Variants in MARCHF10 observed in about 807,000 individuals in gnomAD.
MARCHF10 encodes membrane associated ring-CH-type finger 10.
MARCHF10 carries 64 observed loss-of-function variants against 76.2 expected under a neutral mutation model. The observed-to-expected ratio is 0.84, with a 90% CI of 0.69 to 1.03. The LOEUF (loss-of-function observed/expected upper bound fraction) is 1.03. Ranked by LOEUF, MARCHF10 falls within the 50% of genes least tolerant of loss-of-function variation. MARCHF10 has a pLI of 0.00. For missense variants in MARCHF10, 875 were observed against 958.0 expected, an observed-to-expected ratio of 0.91 and a Z score of 1.14; for synonymous variants, 340 against 357.5, an observed-to-expected ratio of 0.95 and a Z score of 0.55.
Position 62,701,616 on chromosome 17 carries a change from AGAG to A in MARCHF10, c.*84_*86del, listed in dbSNP as rs778141661. ...AACGCTTTGGTTTCAGTTTCAGTAA[AGAG>A]GAGGAGGGAGGGAGGCACTTGGGGA... On this transcript the variant is annotated 3_prime_UTR_variant, in exon 11 of 11. Transcript: ENST00000311269. 5.0e-6 allele frequency: 8 copies of A among 1,608,086 alleles called. No individual in the cohort carries two copies. In the South Asian group the frequency reaches 6.6e-5, roughly 13 times the overall value.
chr17:62,766,258 T>C (rs926634208), intron 3 of MARCHF10, among the ~76,000 whole-genome samples: 8 of 152,124 alleles, frequency 5.3e-5, no homozygotes, highest in African/African-American at 1.4e-4. Context: ...CCCAGCACTT[T>C]GGGAGGCCGA....
chr17:62,754,247 A>G (rs2091978310), intron 4 of MARCHF10, among the ~76,000 whole-genome samples: 1 of 151,958 alleles, frequency 6.6e-6, no homozygotes, highest in South Asian at 2.1e-4. Flanking sequence ...TAATTTTTGT[A>G]TTTTTAGTAG....
intron 4 of MARCHF10, among the ~76,000 whole-genome samples, chr17:62,752,086 G>C (rs999939750): frequency 6.6e-6 from 1 of 151,642 alleles, no homozygotes; most frequent in Non-Finnish European, 1.5e-5. Context: ...TCAGTCCTTA[G>C]TGCCATGCTA....
At chr17:62,705,712 G>GA (rs1404750711) in intron 9 of MARCHF10, 131 bp from the exon 10 acceptor site, 1 of 1,093,614 alleles carries the variant, frequency 9.1e-7, no homozygotes, top group Non-Finnish European at 1.3e-6. Flanking sequence ...AAAATGGGCA[G>GA]AGGTGCTGAG....
In MARCHF10 at chr17:62,738,009, A is replaced by AG. The variant is rs2091350321; in HGVS notation, c.536-678_536-677insC. 6.6e-6 allele frequency: 1 copy of AG among 150,396 alleles called. No homozygotes were observed. Among genetic ancestry groups the AG allele is most frequent in the African/African-American group, 2.5e-5 (1 of 40,534 alleles). The allele number at this position is 150,396 out of a possible 1,614,324, so 9.3% of individuals were successfully genotyped here. A position where few individuals can be genotyped will look rare whatever the true frequency, so the allele number is the denominator to read the frequency against. On this transcript the variant is annotated intron_variant, in intron 5 of 10. Transcript: ENST00000311269. The surrounding 1 kb of genome is among the most constrained non-coding windows in gnomAD (Gnocchi z 4.0). ...TCCCTACTATGAATTCCTACACAGAATCACTGAACTGGCCAGAAGCATGCT... is the reference window on the plus strand; with the variant it reads ...TCCCTACTATGAATTCCTACACAGAAGTCACTGAACTGGCCAGAAGCATGCT...
Position 62,701,679 on chromosome 17 carries a change from C to T in MARCHF10, c.*24G>A, listed in dbSNP as rs751697269. The stretch of plus-strand genomic sequence containing the variant: ...AAGGGCTGGCGGGAGAGGTCTCCGC[C>T]GAGCTCCACAGTTGGCTTCCTTGCT... On this transcript the variant is annotated 3_prime_UTR_variant, in exon 11 of 11. Coordinates refer to ENST00000311269, the MANE Select transcript of MARCHF10 (RefSeq NM_152598.4). 3.7e-5 allele frequency: 59 copies of T among 1,613,708 alleles called. No homozygotes were observed. Among genetic ancestry groups the T allele is most frequent in the South Asian group, 1.1e-4 (10 of 91,078 alleles).
Position 62,737,094 on chromosome 17 carries a change from G to A in MARCHF10, c.774C>T (p.Pro258=). The A allele has an allele frequency of 6.2e-7, 1 of 1,614,054 alleles. No homozygotes were observed. ...CCTTTCTTGGCCCTCCTACAGTGGT[G>A]GGTGTGAGTGGTGGCCCCGAGAACT... ...LSEFSGPPLT[P]TTVGGPRKAS... The change falls in exon 6 of 11, where the codon CCC becomes CCT. Residue 258 remains proline, a synonymous_variant. Transcript: ENST00000311269.
At chr17:62,779,572 C>T (rs142773148) in intron 3 of MARCHF10, among the ~76,000 whole-genome samples, 4 of 152,142 alleles carry the variant, frequency 2.6e-5, no homozygotes, top group Non-Finnish European at 5.9e-5. Flanking sequence ...AAATGCAAAT[C>T]GAGCCAGCCT....
intron 8 of MARCHF10, among the ~76,000 whole-genome samples, chr17:62,722,257 G>A (rs9900082): frequency 0.32 from 44,119 of 139,324 alleles, 6,873 homozygotes; most frequent in Admixed American, 0.36. Flanking sequence ...CCGCCTGGGC[G>A]ACAGAGTGAG....
intron 2 of MARCHF10, among the ~76,000 whole-genome samples, chr17:62,799,936 A>G (rs867746440): frequency 2.0e-5 from 3 of 151,570 alleles, no homozygotes; most frequent in African/African-American, 7.3e-5. Context: ...CTCTGGGGGG[A>G]TCTTTCCCAT....
At chr17:62,749,959 A>T (rs1315899965) in intron 4 of MARCHF10, 5 of 152,338 alleles carry the variant, frequency 3.3e-5, no homozygotes, top group Admixed American at 2.0e-4. Flanking sequence ...TACAGGAGGT[A>T]AGAAATCAAA....
In MARCHF10 at chr17:62,736,611, A is replaced by AT. The variant is rs769726578; in HGVS notation, c.1256dup (p.Asn419LysfsTer5). The AT allele has an allele frequency of 7.4e-6, 12 of 1,613,982 alleles. No individual in the cohort carries two copies. The Admixed American group carries it at 2.0e-4, about 27-fold the overall frequency. On this transcript the variant is annotated frameshift_variant, in exon 6 of 11. Transcript: ENST00000311269. LOFTEE classifies it high-confidence loss of function. Reference sequence around the variant, plus strand: ...CCACAGAAATACAATCACTCCATACATTTTCAGCATTGACACCAACCTCTT... The same window carrying AT: ...CCACAGAAATACAATCACTCCATACATTTTTCAGCATTGACACCAACCTCTT...
chr17:62,736,846 C>T lies in MARCHF10; in HGVS notation c.1022G>A (p.Gly341Asp), dbSNP rs2091289142. The T allele has an allele frequency of 6.2e-7, 1 of 1,613,750 alleles. No homozygotes were observed. The highest frequency in any genetic ancestry group is 8.5e-7 in the Non-Finnish European group (1 of 1,179,906). The change falls in exon 6 of 11, where the codon GGT (glycine) becomes GAT (aspartate). Residue 341 changes from glycine (G) to aspartate (D), a missense_variant. Transcript: ENST00000311269. ...NFEENAENCR[G>D]HSSRRSEPSH... The stretch of plus-strand genomic sequence containing the variant: ...GGGCTCACTTCTTCTTGAAGAATGA[C>T]CTCTGCAATTTTCAGCATTTTCTTC...
intron 3 of MARCHF10, 58 bp downstream of exon 3, chr17:62,788,419 ACAC>A (rs1279169870): frequency 2.0e-5 from 31 of 1,578,652 alleles, no homozygotes; most frequent in South Asian, 1.0e-4. Flanking sequence ...ACACACACAC[ACAC>A]CACCACCACC....
At chr17:62,777,131 A>T (rs965590549) in intron 3 of MARCHF10, among the ~76,000 whole-genome samples, 15 of 152,314 alleles carry the variant, frequency 9.8e-5, no homozygotes, top group Admixed American at 8.5e-4. Flanking sequence ...CACAGTAAGG[A>T]TCCCTATTCT....
chr17:62,787,572 A>G (rs575337236), intron 3 of MARCHF10, among the ~76,000 whole-genome samples: 81 of 152,208 alleles, frequency 5.3e-4, no homozygotes, highest in Admixed American at 9.8e-4. Context: ...AAATTATTAG[A>G]TAAGATCTTA....
At chr17:62,788,854 G>A (rs542758437) in intron 2 of MARCHF10, among the ~76,000 whole-genome samples, 2 of 151,428 alleles carry the variant, frequency 1.3e-5, no homozygotes, top group African/African-American at 4.8e-5. Context: ...ATGAGGTCAG[G>A]AGATCAAGAC....
chr17:62,742,349 T>A lies in MARCHF10; in HGVS notation c.535+2027A>T, dbSNP rs7216085. Among the ~76,000 whole-genome samples the A allele has an allele frequency of 2.1e-3, 313 of 152,286 alleles. 2 individuals are homozygous for A. Among genetic ancestry groups the A allele is most frequent in the African/African-American group, 7.1e-3 (297 of 41,544 alleles). Reference sequence around the variant, plus strand: ...TCCTTATTTTTCTATTAGGTATTTGTGTTTTTCTTATTGATTTGTGAGAGC... The same window carrying A: ...TCCTTATTTTTCTATTAGGTATTTGAGTTTTTCTTATTGATTTGTGAGAGC... On this transcript the variant is annotated intron_variant, in intron 5 of 10. Coordinates refer to ENST00000311269, the MANE Select transcript of MARCHF10 (RefSeq NM_152598.4).
chr17:62,731,825 A>G (rs2091036184), intron 6 of MARCHF10, among the ~76,000 whole-genome samples: 2 of 152,246 alleles, frequency 1.3e-5, no homozygotes, highest in African/African-American at 4.8e-5. Context: ...GACACATTTA[A>G]TATAAGCAGC....
Sources: gnomAD v4.1 joint callset for allele counts (sites outside exome capture counted in the v4.1 genomes callset) on GRCh38, gnomAD v4.1.1 for gene constraint, Gnocchi (gnomAD v3.1) non-coding constraint, MANE v1.5 for transcripts, NCBI Gene and HGNC (gene_info 2026-07-23, HGNC 2026-07-21) for gene names.